Variants in GRPEL1 observed in about 807,000 individuals in gnomAD.
GRPEL1 encodes grpE protein homolog 1, mitochondrial.
A neutral mutation model predicts 22.1 loss-of-function variants in GRPEL1; 13 were observed. That is an observed-to-expected ratio of 0.59 (90% CI 0.38 to 0.94). The LOEUF is 0.94. Among genes scored for constraint, GRPEL1 ranks in the 40% least tolerant of loss-of-function variants. The pLI is 0.00. For synonymous variants in GRPEL1, 109 were observed against 105.3 expected, an observed-to-expected ratio of 1.03 and a Z score of -0.21; for missense variants, 289 against 264.6, an observed-to-expected ratio of 1.09 and a Z score of -0.64.
At position 7,062,278 on chromosome 4, in the gene GRPEL1, C is replaced by A. The variant is rs1472097674; in HGVS notation, c.307+107G>T. On this transcript the variant is annotated intron_variant, in intron 3 of 3. Coordinates refer to ENST00000264954, the MANE Select transcript of GRPEL1 (RefSeq NM_025196.4). Reference sequence around the variant, plus strand: ...AATGCAGGGGATGCAACAGCTGGACCCCCCACCCCACAGCCTTGCTCTCTG... The same window carrying A: ...AATGCAGGGGATGCAACAGCTGGACACCCCACCCCACAGCCTTGCTCTCTG... 1.1e-5 allele frequency: 5 copies of A among 442,414 alleles called. No individual in the cohort carries two copies. In the East Asian group the frequency reaches 2.3e-4, roughly 20 times the overall value. The allele number at this position is 442,414 out of a possible 1,614,324, so 27.4% of individuals were successfully genotyped here.
Position 7,060,673 on chromosome 4 carries a change from G to A in GRPEL1, c.*189C>T. The A allele has an allele frequency of 1.6e-6, 1 of 620,960 alleles. No homozygotes were observed. Among genetic ancestry groups the A allele is most frequent in the Non-Finnish European group, 2.8e-6 (1 of 352,270 alleles). The allele number at this position is 620,960 out of a possible 1,614,324, so 38.5% of individuals were successfully genotyped here. On this transcript the variant is annotated 3_prime_UTR_variant, in exon 4 of 4. Coordinates refer to ENST00000264954, the MANE Select transcript of GRPEL1 (RefSeq NM_025196.4). ...AACTATTCAACGCGTGGCACTAAAA[G>A]GGAACAGACTCCCGAATTAGAGTTC...
At chr4:7,061,333 C>A in intron 3 of GRPEL1, 125 bp from the exon 4 acceptor site, 1 of 705,960 alleles carries the variant, frequency 1.4e-6, no homozygotes, top group African/African-American at 1.8e-5. Flanking sequence ...CCTCAGAATT[C>A]CAATGGCTCA....
At position 7,061,031 on chromosome 4, in the gene GRPEL1, T is replaced by C. The variant is rs1724029601; in HGVS notation, c.485A>G (p.Lys162Arg). The change falls in exon 4 of 4, where the codon AAG becomes AGG. Residue 162 changes from lysine to arginine, a missense_variant. Physicochemically the swap from Lys to Arg is conservative, Grantham distance 26 (BLOSUM62 2). Coordinates refer to ENST00000264954, the MANE Select transcript of GRPEL1 (RefSeq NM_025196.4). ...GAACTTGGCTCCGACAGGGTTCAAC[T>C]TGAGCAAGCCATGCTTTGTGAACAC... The part of the protein sequence containing the change: ...QKVFTKHGLL[K>R]LNPVGAKFDP... 1 of 1,614,220 alleles carries C rather than the reference T, an allele frequency of 6.2e-7. No homozygotes were observed. Among genetic ancestry groups the C allele is most frequent in the Non-Finnish European group, 8.5e-7 (1 of 1,180,040 alleles).
chr4:7,067,960 G>A lies in GRPEL1; in HGVS notation c.62+11C>T, dbSNP rs370824534. ...TGCCACCTCCACCCAGGGAGACCAA[G>A]TGCCCCTTACCTGAGAGACAACGCC... On this transcript the variant is annotated intron_variant, in intron 1 of 3. Coordinates refer to ENST00000264954, the MANE Select transcript of GRPEL1 (RefSeq NM_025196.4). 79 of 1,613,122 alleles carry A rather than the reference G, an allele frequency of 4.9e-5. No individual in the cohort carries two copies. The highest frequency in any genetic ancestry group is 6.0e-5 in the Non-Finnish European group (71 of 1,179,832).
chr4:7,062,126 TG>T (rs1370831727), intron 3 of GRPEL1: 1 of 254,722 alleles, frequency 3.9e-6, no homozygotes, highest in Non-Finnish European at 7.4e-6. Flanking sequence ...GAGGCTGACC[TG>T]CTGCAGGTTC....
intron 1 of GRPEL1, among the ~76,000 whole-genome samples, chr4:7,065,982 T>G (rs572664419): frequency 6.6e-6 from 1 of 151,962 alleles, no homozygotes; most frequent in African/African-American, 2.4e-5. Flanking sequence ...GCCTGCCGAG[T>G]AGCTGGGACT....
intron 1 of GRPEL1, among the ~76,000 whole-genome samples, chr4:7,067,754 C>T (rs1450574550): frequency 2.0e-5 from 3 of 152,236 alleles, no homozygotes; most frequent in Non-Finnish European, 4.4e-5. Context: ...TGACACGGCG[C>T]CCGCCCGCTC....
intron 1 of GRPEL1, among the ~76,000 whole-genome samples, 156 bp downstream of exon 1, chr4:7,067,815 C>A (rs548682894): frequency 2.0e-5 from 3 of 152,332 alleles, no homozygotes; most frequent in South Asian, 2.1e-4. Flanking sequence ...CAGGCCCCAG[C>A]GGGGCGGTCC....
chr4:7,059,289 A>G lies in GRPEL1; in HGVS notation c.*1573T>C, dbSNP rs1025193758. On this transcript the variant is annotated 3_prime_UTR_variant, in exon 4 of 4. Transcript: ENST00000264954. ...AAAAATATTTTGCTACTTAAGCTAT[A>G]TTGCCTCTAGGTTACGAGTTAAGTG... 5.3e-5 allele frequency: 8 copies of G among 152,244 alleles called. No homozygotes were observed. Among genetic ancestry groups the G allele is most frequent in the African/African-American group, 1.9e-4 (8 of 41,466 alleles). 9.4% of individuals were successfully genotyped at this position (152,244 alleles called of 1,614,324 possible). A position where few individuals can be genotyped will look rare whatever the true frequency, so the allele number is the denominator to read the frequency against.
chr4:7,066,020 A>AT (rs1216078331), intron 1 of GRPEL1, among the ~76,000 whole-genome samples: 5 of 151,984 alleles, frequency 3.3e-5, no homozygotes, highest in Admixed American at 2.6e-4. Context: ...CGCTCGGCTA[A>AT]TTTTTTTGTA....
At chr4:7,063,877 T>C (rs1724098861) in intron 2 of GRPEL1, among the ~76,000 whole-genome samples, 184 bp downstream of exon 2, 1 of 152,246 alleles carries the variant, frequency 6.6e-6, no homozygotes, top group South Asian at 2.1e-4. Context: ...GAACCAGAGT[T>C]GCACAGGATT....
In GRPEL1 at chr4:7,059,347, T is replaced by C. The variant is rs562034583; in HGVS notation, c.*1515A>G. Reference sequence around the variant, plus strand: ...GCAACTGCAGCTGTAGTTGAGACGGTAGGAGACTGCAAACATTCACAGAAA... The same window carrying C: ...GCAACTGCAGCTGTAGTTGAGACGGCAGGAGACTGCAAACATTCACAGAAA... On this transcript the variant is annotated 3_prime_UTR_variant, in exon 4 of 4. Coordinates refer to ENST00000264954, the MANE Select transcript of GRPEL1 (RefSeq NM_025196.4). The C allele has an allele frequency of 6.6e-6, 1 of 152,338 alleles. No individual in the cohort carries two copies. Among genetic ancestry groups the C allele is most frequent in the East Asian group, 1.9e-4 (1 of 5,186 alleles). The allele number at this position is 152,338 out of a possible 1,614,324, so 9.4% of individuals were successfully genotyped here.
chr4:7,063,119 G>C (rs541616819), intron 2 of GRPEL1, among the ~76,000 whole-genome samples: 1 of 150,486 alleles, frequency 6.6e-6, no homozygotes, highest in Non-Finnish European at 1.5e-5. Context: ...TTCTGAGACA[G>C]GGTCTTGCTC....
At position 7,064,339 on chromosome 4, in the gene GRPEL1, A is replaced by G. The variant is rs149833934; in HGVS notation, c.63-116T>C. ...AAACTATTTACTATTACTTGGGGAG[A>G]AAACATTTCTGTTAGATCTAATAAA... On this transcript the variant is annotated intron_variant, in intron 1 of 3. Transcript: ENST00000264954. 2.2e-4 allele frequency: 224 copies of G among 1,025,428 alleles called. 2 individuals carry two copies. The East Asian group carries it at 5.0e-3, about 23-fold the overall frequency. The allele number at this position is 1,025,428 out of a possible 1,614,324, so 63.5% of individuals were successfully genotyped here.
At chr4:7,062,363 CA>C in intron 3 of GRPEL1, 21 bp downstream of exon 3, 1 of 1,328,056 alleles carries the variant, frequency 7.5e-7, no homozygotes, top group Non-Finnish European at 1.1e-6. Flanking sequence ...CCGGAATCAA[CA>C]CCATGTTATG....
intron 1 of GRPEL1, among the ~76,000 whole-genome samples, chr4:7,065,978 C>T (rs4689587): frequency 0.7 from 106,396 of 151,634 alleles, 38,462 homozygotes; most frequent in South Asian, 0.81. Flanking sequence ...CTCAGCCTGC[C>T]GAGTAGCTGG....
intron 1 of GRPEL1, chr4:7,067,559 C>T: frequency 4.2e-6 from 1 of 237,760 alleles, no homozygotes; most frequent in Non-Finnish European, 8.2e-6. Context: ...CGCTGCGTGA[C>T]CTTGGACAAA....
intron 3 of GRPEL1, chr4:7,061,409 A>C (rs1344046568): frequency 3.6e-6 from 2 of 550,286 alleles, no homozygotes; most frequent in Middle Eastern, 4.7e-4. Flanking sequence ...GAATTTACTA[A>C]ATTTAGAATT....
chr4:7,063,416 G>A lies in GRPEL1; in HGVS notation c.225+645C>T, dbSNP rs139735403. Among the ~76,000 whole-genome samples, 318 of 152,234 alleles carry A rather than the reference G, an allele frequency of 2.1e-3. 3 individuals carry two copies. Among genetic ancestry groups the A allele is most frequent in the African/African-American group, 7.3e-3 (302 of 41,542 alleles). ...TTCTCTTTTTAACATTTACTAAGTTGCTCTGTGGGGGCCTCTATACTGCAT... is the reference window on the plus strand; with the variant it reads ...TTCTCTTTTTAACATTTACTAAGTTACTCTGTGGGGGCCTCTATACTGCAT... On this transcript the variant is annotated intron_variant, in intron 2 of 3. Transcript: ENST00000264954.
Sources: gnomAD v4.1 joint callset for allele counts (sites outside exome capture counted in the v4.1 genomes callset) on GRCh38, gnomAD v4.1.1 for gene constraint, MANE v1.5 for transcripts, NCBI Gene and HGNC (gene_info 2026-07-23, HGNC 2026-07-21) for gene names.